The following ITGA4 variants were observed in gnomAD, a reference collection of about 807,000 sequenced individuals.
ITGA4 encodes integrin alpha-4.
In ITGA4, 63 loss-of-function variants were observed where a neutral mutation model predicts 133.6. The observed-to-expected ratio is 0.47, with a 90% CI of 0.38 to 0.58. The LOEUF is 0.58. ITGA4 is among the 20% of genes least tolerant of loss of function. The pLI is 0.00. For synonymous variants in ITGA4, 483 were observed against 438.0 expected, an observed-to-expected ratio of 1.10 and a Z score of -1.28; for missense variants, 1,076 against 1,252.7, an observed-to-expected ratio of 0.86 and a Z score of 2.13.
At chr2:181,509,070 A>C (rs893010748) in intron 15 of ITGA4, among the ~76,000 whole-genome samples, 1 of 144,352 alleles carries the variant, frequency 6.9e-6, no homozygotes, top group Non-Finnish European at 1.5e-5. Flanking sequence ...TGAGCCCAGG[A>C]GTTCAGAACT....
chr2:181,530,568 T>C lies in ITGA4; in HGVS notation c.2583T>C (p.Cys861=). The C allele has an allele frequency of 6.2e-7, 1 of 1,613,248 alleles. No homozygotes were observed. Among genetic ancestry groups the C allele is most frequent in the East Asian group, 2.2e-5 (1 of 44,834 alleles). ...ACTTTGAAAATTATCAAAGAGTGTG[T>C]GCATTAGAGCAGCAAAAGAGTGCAA... ...ECHFENYQRV[C]ALEQQKSAMQ... Residue 861 remains cysteine (C), a synonymous_variant, in exon 24 of 28, where the codon TGT becomes TGC. Transcript: ENST00000397033.
chr2:181,510,120 A>G (rs1686478458), intron 16 of ITGA4, among the ~76,000 whole-genome samples: 1 of 152,068 alleles, frequency 6.6e-6, no homozygotes, highest in South Asian at 2.1e-4. Flanking sequence ...GATTGTATTT[A>G]CAAGTTAGTT....
rs1322967632 is a variant in ITGA4, at chr2:181,460,564, AGAGTGTGTGTGTGTGTGTGTG to A, written c.319+2248_319+2268del. On this transcript the variant is annotated intron_variant, in intron 2 of 27. Coordinates refer to ENST00000397033, the MANE Select transcript of ITGA4 (RefSeq NM_000885.6). ...ATATATATAAGCCATCTTCTGTAGA[AGAGTGTGTGTGTGTGTGTGTG>A]TGTGTGTGTGTGTGTGTGAATCTTC... Among the ~76,000 whole-genome samples, 46 of 68,294 alleles carry A rather than the reference AGAGTGTGTGTGTGTGTGTGTG, an allele frequency of 6.7e-4. 1 individual carries two copies. The Middle Eastern group carries it at 0.021, about 31-fold the overall frequency. The allele number at this position is 68,294 out of a possible 152,430, so 44.8% of individuals were successfully genotyped here.
In ITGA4 at chr2:181,495,586, A is replaced by T. The variant is rs1343063581; in HGVS notation, c.1385+170A>T. Among the ~76,000 whole-genome samples, 1 of 152,216 alleles carries T rather than the reference A, an allele frequency of 6.6e-6. No individual in the cohort carries two copies. Among genetic ancestry groups the T allele is most frequent in the African/African-American group, 2.4e-5 (1 of 41,456 alleles). On this transcript the variant is annotated intron_variant, in intron 13 of 27. Transcript: ENST00000397033. The surrounding 1 kb of genome is among the most constrained non-coding windows in gnomAD (Gnocchi z 4.3). ...TTTTCACCTTACAGAGATATAATTA[A>T]ATCATCAAAGTCAATATTTTTAGAC... is the stretch of plus-strand genomic sequence containing the variant.
At chr2:181,470,573 C>T (rs1165545915) in intron 2 of ITGA4, among the ~76,000 whole-genome samples, 1 of 152,118 alleles carries the variant, frequency 6.6e-6, no homozygotes, top group Non-Finnish European at 1.5e-5. Context: ...ATTCTAACGT[C>T]CAGTCAAGGC....
intron 2 of ITGA4, among the ~76,000 whole-genome samples, chr2:181,474,503 TA>T (rs1349987811): frequency 6.6e-6 from 1 of 152,260 alleles, no homozygotes; most frequent in Non-Finnish European, 1.5e-5. Flanking sequence ...CCAGCTCCAA[TA>T]AATTGTACCT....
At chr2:181,517,112 C>T (rs1574407673) in intron 17 of ITGA4, among the ~76,000 whole-genome samples, 1 of 151,880 alleles carries the variant, frequency 6.6e-6, no homozygotes, top group African/African-American at 2.4e-5. Flanking sequence ...GTCTTTTTCC[C>T]TGAAGTCAGT....
Position 181,537,302 on chromosome 2 carries a change from A to AGAACTAC in ITGA4, c.*1775_*1776insGAACTAC, listed in dbSNP as rs1687183940. Reference sequence around the variant, plus strand: ...CAGAAACAACTATATATTTCAGGTTATCTGAGCACAGTGAAAGCAGAGTAC... The same window carrying AGAACTAC: ...CAGAAACAACTATATATTTCAGGTTAGAACTACTCTGAGCACAGTGAAAGCAGAGTAC... On this transcript the variant is annotated 3_prime_UTR_variant, in exon 28 of 28. Transcript: ENST00000397033. The AGAACTAC allele has an allele frequency of 2.2e-6, 1 of 453,660 alleles. No individual in the cohort carries two copies. 28.1% of individuals were successfully genotyped at this position (453,660 alleles called of 1,614,324 possible). A position where few individuals can be genotyped will look rare whatever the true frequency, so the allele number is the denominator to read the frequency against.
chr2:181,527,530 C>T, intron 22 of ITGA4, 143 bp downstream of exon 22: 1 of 586,552 alleles, frequency 1.7e-6, no homozygotes, highest in Non-Finnish European at 3.1e-6. Flanking sequence ...AGCAGTGGTA[C>T]TCCTGCCTCT....
In ITGA4 at chr2:181,509,135, TAAAAAAAAAAAAAAAAAA is replaced by T. The variant is rs57180154; in HGVS notation, c.1696-493_1696-476del. Among the ~76,000 whole-genome samples the T allele has an allele frequency of 2.9e-3, 131 of 44,668 alleles. 4 individuals are homozygous for T. The highest frequency in any genetic ancestry group is 7.1e-3 in the African/African-American group (71 of 9,940). 29.3% of individuals were successfully genotyped at this position (44,668 alleles called of 152,430 possible). A position where few individuals can be genotyped will look rare whatever the true frequency, so the allele number is the denominator to read the frequency against. On this transcript the variant is annotated intron_variant, in intron 15 of 27. Transcript: ENST00000397033. The stretch of plus-strand genomic sequence containing the variant: ...TGACAGAGGGACACATCCCATCTCT[TAAAAAAAAAAAAAAAAAA>T]AAAAAAAAAAAAAAAAAAAAAAAAA...
intron 10 of ITGA4, among the ~76,000 whole-genome samples, chr2:181,490,268 A>G (rs1281610984): frequency 2.6e-5 from 4 of 152,160 alleles, no homozygotes; most frequent in Non-Finnish European, 5.9e-5. Context: ...GAAATTGGGC[A>G]TAAGTCAATA....
At chr2:181,497,618 T>C (rs1686181722) in intron 14 of ITGA4, among the ~76,000 whole-genome samples, 1 of 152,156 alleles carries the variant, frequency 6.6e-6, no homozygotes, top group African/African-American at 2.4e-5. Flanking sequence ...AATATAGATT[T>C]TATGCTTATG....
In ITGA4 at chr2:181,536,636, T is replaced by C. The variant is rs2105778356; in HGVS notation, c.*1109T>C. 1 of 163,720 alleles carries C rather than the reference T, an allele frequency of 6.1e-6. No homozygotes were observed. Among genetic ancestry groups the C allele is most frequent in the Non-Finnish European group, 1.3e-5 (1 of 74,842 alleles). The allele number at this position is 163,720 out of a possible 1,614,324, so 10.1% of individuals were successfully genotyped here. A position where few individuals can be genotyped will look rare whatever the true frequency, so the allele number is the denominator to read the frequency against. On this transcript the variant is annotated 3_prime_UTR_variant, in exon 28 of 28. Coordinates refer to ENST00000397033, the MANE Select transcript of ITGA4 (RefSeq NM_000885.6). The stretch of plus-strand genomic sequence containing the variant: ...TTTAGCTGAAAGATACTGATTCAAT[T>C]TGTATACAGTGAATATAAATGAGAC...
At chr2:181,531,434 T>A (rs928567047) in intron 24 of ITGA4, among the ~76,000 whole-genome samples, 2 of 152,228 alleles carry the variant, frequency 1.3e-5, no homozygotes, top group African/African-American at 4.8e-5. Context: ...TAAGAACATA[T>A]GCTGCAGTTT....
intron 10 of ITGA4, 188 bp from the exon 11 acceptor site, chr2:181,493,137 C>T (rs1248988252): frequency 1.0e-5 from 5 of 478,198 alleles, no homozygotes; most frequent in South Asian, 3.0e-5. Context: ...CTTCCATGTG[C>T]AAACTATTGT....
chr2:181,538,043 G>GT lies in ITGA4; in HGVS notation c.*2516_*2517insT. 1.4e-6 allele frequency: 1 copy of GT among 701,166 alleles called. No homozygotes were observed. Among genetic ancestry groups the GT allele is most frequent in the Non-Finnish European group, 2.7e-6 (1 of 375,598 alleles). The allele number at this position is 701,166 out of a possible 1,614,324, so 43.4% of individuals were successfully genotyped here. A position where few individuals can be genotyped will look rare whatever the true frequency, so the allele number is the denominator to read the frequency against. On this transcript the variant is annotated 3_prime_UTR_variant, in exon 28 of 28. Transcript: ENST00000397033. ...GATCTGAGGTGGAACAGTTCATCCT[G>GT]AAACCATTCCCCCATCCACGGAAAA...
At chr2:181,522,932 T>C (rs929434021) in intron 18 of ITGA4, among the ~76,000 whole-genome samples, 19 of 152,156 alleles carry the variant, frequency 1.2e-4, no homozygotes, top group Non-Finnish European at 2.5e-4. Context: ...TATAACCTCA[T>C]TACACCTATT....
At position 181,481,619 on chromosome 2, in the gene ITGA4, A is replaced by G. The variant is rs1435493119; in HGVS notation, c.776A>G (p.His259Arg). Residue 259 changes from histidine (H) to arginine (R), a missense_variant, in exon 7 of 28, where the codon CAT becomes CGT. Transcript: ENST00000397033. ...SYLGYSVGAGHFRSQHTTEVV... is the reference protein window; with the variant it reads ...SYLGYSVGAGRFRSQHTTEVV... ...AAAGGATATTCAGTCGGAGCTGGTCATTTTCGGAGCCAGCATACTACCGAA... is the reference window on the plus strand; with the variant it reads ...AAAGGATATTCAGTCGGAGCTGGTCGTTTTCGGAGCCAGCATACTACCGAA... 1.3e-6 allele frequency: 2 copies of G among 1,598,656 alleles called. No individual in the cohort carries two copies. The highest frequency in any genetic ancestry group is 2.2e-5 in the East Asian group (1 of 44,484).
At chr2:181,458,458 C>T (rs1574370267) in intron 2 of ITGA4, 141 bp downstream of exon 2, 2 of 875,470 alleles carry the variant, frequency 2.3e-6, no homozygotes, top group East Asian at 2.7e-5. Flanking sequence ...AACTCCATCT[C>T]ATCTTGCCTC....
Sources: gnomAD v4.1 joint callset for allele counts (sites outside exome capture counted in the v4.1 genomes callset) on GRCh38, gnomAD v4.1.1 for gene constraint, Gnocchi (gnomAD v3.1) non-coding constraint, MANE v1.5 for transcripts, NCBI Gene and HGNC (gene_info 2026-07-23, HGNC 2026-07-21) for gene names.